NLRP14: variants seen among roughly 807,000 people sequenced by gnomAD.
NLRP14 encodes NLR family pyrin domain containing 14.
In NLRP14, 105 loss-of-function variants were observed where a neutral mutation model predicts 94.7. The ratio of observed to expected loss-of-function variants is 1.11; its 90% CI spans 0.95 to 1.30. The LOEUF is 1.30. NLRP14 is among the 50% of genes most tolerant of loss of function. The probability of loss-of-function intolerance (pLI) is 0.00; values close to 1 mark genes in which losing one functional copy is unlikely to be tolerated. For synonymous variants in NLRP14, 508 were observed against 459.9 expected, an observed-to-expected ratio of 1.10 and a Z score of -1.34; for missense variants, 1,362 against 1,254.1, an observed-to-expected ratio of 1.09 and a Z score of -1.30.
intron 3 of NLRP14, among the ~76,000 whole-genome samples, chr11:7,040,047 GT>G (rs1287577725): frequency 1.3e-5 from 2 of 152,166 alleles, no homozygotes; most frequent in East Asian, 3.9e-4. Flanking sequence ...GTATATTAAT[GT>G]TTATATTTTA....
chr11:7,085,191 C>T, the NLRP14 span, among the ~76,000 whole-genome samples: 1 of 152,182 alleles, frequency 6.6e-6, no homozygotes, highest in Non-Finnish European at 1.5e-5. Flanking sequence ...ATACATATAA[C>T]ATGGTGTTCA....
rs1330014951 is a variant in NLRP14 at position 7,046,824 on chromosome 11, A to G, written c.2115A>G (p.Gln705=). 6.2e-7 allele frequency: 1 copy of G among 1,612,228 alleles called. No homozygotes were observed. The highest frequency in any genetic ancestry group is 8.5e-7 in the Non-Finnish European group (1 of 1,178,348). The change falls in exon 5 of 12, where the codon CAA becomes CAG. Residue 705 remains glutamine (Q), a synonymous_variant. Coordinates refer to ENST00000299481, the MANE Select transcript of NLRP14 (RefSeq NM_176822.4). The part of the protein sequence containing the change: ...HELRHPNCKL[Q]KLLLKFITFP... ...TAAGGCACCCAAACTGTAAACTACA[A>G]AAGCTACTGTAAGTCTGGTATGAGA...
At chr11:7,089,479 G>T in the NLRP14 span, 1 of 1,262,326 alleles carries the variant, frequency 7.9e-7, no homozygotes, top group Non-Finnish European at 1.0e-6. Context: ...GGCCCGCGGC[G>T]TTCCCCATCC....
At chr11:7,062,065 T>C (rs1169278215) in intron 9 of NLRP14, among the ~76,000 whole-genome samples, 1 of 152,040 alleles carries the variant, frequency 6.6e-6, no homozygotes, top group African/African-American at 2.4e-5. Context: ...TTTTTAAGTA[T>C]TGGTAAAAAT....
chr11:7,069,582 G>T (rs1170073931), intron 10 of NLRP14, among the ~76,000 whole-genome samples: 1 of 152,022 alleles, frequency 6.6e-6, no homozygotes, highest in African/African-American at 2.4e-5. Context: ...ATTTTTATTT[G>T]CATCAATGGC....
At chr11:7,058,722 A>C (rs1312325452) in intron 8 of NLRP14, among the ~76,000 whole-genome samples, 1 of 151,934 alleles carries the variant, frequency 6.6e-6, no homozygotes, top group Non-Finnish European at 1.5e-5. Context: ...GAGGAATGTG[A>C]GCCTTAGGGA....
chr11:7,088,668 ATTT>A, the NLRP14 span, among the ~76,000 whole-genome samples: 2 of 122,812 alleles, frequency 1.6e-5, no homozygotes, highest in Non-Finnish European at 3.4e-5. Context: ...TTGAAAAATG[ATTT>A]TTAACTTAAT....
In NLRP14 at chr11:7,042,975, C is replaced by T. The variant is rs368852692; in HGVS notation, c.949C>T (p.Gln317Ter). The T allele has an allele frequency of 7.9e-5, 128 of 1,613,934 alleles. No homozygotes were observed. Among genetic ancestry groups the T allele is most frequent in the Non-Finnish European group, 1.0e-4 (123 of 1,179,946 alleles). The change falls in exon 4 of 12, where the codon CAG becomes TAG. Residue 317 changes from glutamine to a stop codon, truncating the protein, a stop_gained. Coordinates refer to ENST00000299481, the MANE Select transcript of NLRP14 (RefSeq NM_176822.4). LOFTEE classifies it high-confidence loss of function. ...ACTCACAACTTCTAAGAGACTAAAG[C>T]AGTTGTTGAAGAATCACCATTATGT... is the stretch of plus-strand genomic sequence containing the variant. ...TRLTTSKRLK[Q>*]LLKNHHYVEL...
rs1411515196 is a variant in NLRP14 at position 7,049,741 on chromosome 11, A to T, written c.2194A>T (p.Met732Leu). Residue 732 changes from methionine to leucine, a missense_variant, in exon 6 of 12, where the codon ATG becomes TTG. Physicochemically the swap from Met to Leu is conservative, Grantham distance 15. Transcript: ENST00000299481. ...TTCTTTGATTCATAACAAGAATCTG[A>T]TGCATCTTGACCTAAAAGGGAGTGA... ...STSLIHNKNLMHLDLKGSDIG... is the reference protein window; with the variant it reads ...STSLIHNKNLLHLDLKGSDIG... 1 of 1,609,608 alleles carries T rather than the reference A, an allele frequency of 6.2e-7. No individual in the cohort carries two copies.
In NLRP14 at chr11:7,043,034, G is replaced by A. The variant is rs144493780; in HGVS notation, c.1008G>A (p.Glu336=). The A allele has an allele frequency of 1.8e-4, 293 of 1,614,160 alleles. No homozygotes were observed. The highest frequency in any genetic ancestry group is 9.9e-4 in the Middle Eastern group (6 of 6,062). The change falls in exon 4 of 12, where the codon GAG becomes GAA. Residue 336 remains glutamate, a synonymous_variant. Coordinates refer to ENST00000299481, the MANE Select transcript of NLRP14 (RefSeq NM_176822.4). ...TAGGAATGTCTGAGGATGCAAGAGA[G>A]GAGTATATTTACCAGTTTTTTGAAG... ...ELLGMSEDAR[E]EYIYQFFEDK...
rs117724872 is a variant in NLRP14, at chr11:7,023,761, T to G, written c.-22+2991T>G. 4.0e-3 allele frequency among the ~76,000 whole-genome samples: 605 copies of G among 152,032 alleles called. 3 individuals are homozygous for G. The highest frequency in any genetic ancestry group is 7.1e-3 in the Non-Finnish European group (485 of 67,982). On this transcript the variant is annotated intron_variant, in intron 1 of 11. Transcript: ENST00000299481. ...GCATCTGCTTGGCTTTTGGGGAGGCTTCAAGAAGCTTACAATCATGATGGA... is the reference window on the plus strand; with the variant it reads ...GCATCTGCTTGGCTTTTGGGGAGGCGTCAAGAAGCTTACAATCATGATGGA...
chr11:7,090,414 A>G, the NLRP14 span: 65 of 1,297,874 alleles, frequency 5.0e-5, no homozygotes, highest in Non-Finnish European at 6.8e-5. Flanking sequence ...TTTACCTTTT[A>G]AGAATTTCCT....
intron 5 of NLRP14, among the ~76,000 whole-genome samples, chr11:7,049,051 G>A (rs1013622268): frequency 3.3e-5 from 5 of 152,152 alleles, no homozygotes; most frequent in African/African-American, 1.2e-4. Context: ...AGGAGGAAAG[G>A]TGGTGTTACA....
Position 7,043,996 on chromosome 11 carries a change from AG to A in NLRP14, c.1958+15del. 1 of 1,613,228 alleles carries A rather than the reference AG, an allele frequency of 6.2e-7. No homozygotes were observed. The highest frequency in any genetic ancestry group is 8.5e-7 in the Non-Finnish European group (1 of 1,179,150). On this transcript the variant is annotated intron_variant, in intron 4 of 11. Transcript: ENST00000299481. ...CCAACTAACACTTGGTAAGTGTGTTAGGGCCATTCCCTGGAAGTGCCCTGTA... is the reference window on the plus strand; with the variant it reads ...CCAACTAACACTTGGTAAGTGTGTTAGGCCATTCCCTGGAAGTGCCCTGTA...
the NLRP14 span, among the ~76,000 whole-genome samples, chr11:7,078,206 A>G: frequency 1.3e-5 from 2 of 152,014 alleles, no homozygotes; most frequent in African/African-American, 4.8e-5. Context: ...TGGGAGGCCA[A>G]GACGGGTGGA....
At chr11:7,024,781 A>ATTTT (rs3052757) in intron 1 of NLRP14, among the ~76,000 whole-genome samples, 95,508 of 151,264 alleles carry the variant, frequency 0.63, 30,422 homozygotes, top group East Asian at 0.73. Context: ...AAAAGTATGT[A>ATTTT]TTTCTAATTA....
chr11:7,037,664 C>T (rs76411882), intron 1 of NLRP14, among the ~76,000 whole-genome samples: 2,887 of 152,160 alleles, frequency 0.019, 37 homozygotes, highest in Non-Finnish European at 0.029. Flanking sequence ...GAGGGGTAAA[C>T]GCAGGGCTCA....
chr11:7,029,837 T>C (rs1337160646), intron 1 of NLRP14, among the ~76,000 whole-genome samples: 1 of 152,232 alleles, frequency 6.6e-6, no homozygotes, highest in African/African-American at 2.4e-5. Context: ...AGTTTTTGTA[T>C]GAATCTTTAT....
rs761938398 is a variant in NLRP14, at chr11:7,046,683, T to G, written c.1974T>G (p.Ile658Met). ...TTATGCAAAGGGATGGTGATCGCAT[T>G]ACTCACTGTTGGCAAGATCTCTGTT... is the stretch of plus-strand genomic sequence containing the variant. ...LPTNTWDGDRITHCWQDLCSV... is the reference protein window; with the variant it reads ...LPTNTWDGDRMTHCWQDLCSV... Residue 658 changes from isoleucine (I) to methionine (M), a missense_variant, in exon 5 of 12, where the codon ATT becomes ATG. Coordinates refer to ENST00000299481, the MANE Select transcript of NLRP14 (RefSeq NM_176822.4). 14 of 1,613,826 alleles carry G rather than the reference T, an allele frequency of 8.7e-6. No individual in the cohort carries two copies. Among genetic ancestry groups the G allele is most frequent in the Non-Finnish European group, 1.2e-5 (14 of 1,179,662 alleles).
Sources: gnomAD v4.1 joint callset for allele counts (sites outside exome capture counted in the v4.1 genomes callset) on GRCh38, gnomAD v4.1.1 for gene constraint, MANE v1.5 for transcripts, NCBI Gene and HGNC (gene_info 2026-07-23, HGNC 2026-07-21) for gene names.